USP48: variants seen among roughly 807,000 people sequenced by gnomAD.
The protein encoded by USP48 is ubiquitin carboxyl-terminal hydrolase 48.
USP48 carries 43 observed loss-of-function variants against 150.7 expected under a neutral mutation model. The observed-to-expected ratio is 0.29, with a 90% confidence interval of 0.22 to 0.37. The LOEUF (loss-of-function observed/expected upper bound fraction) is 0.37, where lower values mean the gene tolerates loss of function less well. USP48 is among the 10% of genes least tolerant of loss of function. The pLI, the probability that USP48 is intolerant of heterozygous loss-of-function variation, is 1.00. For missense variants in USP48, 813 were observed against 1,249.6 expected, an observed-to-expected ratio of 0.65 and a Z score of 5.27; for synonymous variants, 396 against 425.9, an observed-to-expected ratio of 0.93 and a Z score of 0.86.
intron 8 of USP48, among the ~76,000 whole-genome samples, chr1:21,738,424 C>T (rs531720392): frequency 1.4e-5 from 2 of 142,396 alleles, no homozygotes; most frequent in East Asian, 2.1e-4. Context: ...GGTGTGATCT[C>T]GGCCCACTGC....
intron 1 of USP48, among the ~76,000 whole-genome samples, chr1:21,765,480 G>T (rs2097859396): frequency 6.6e-6 from 1 of 152,034 alleles, no homozygotes; most frequent in Non-Finnish European, 1.5e-5. Context: ...TGCCAGGCAT[G>T]GTGGCACGCG....
At chr1:21,680,755 AATTACAGG>A in intron 26 of USP48, 45 bp downstream of exon 26, 1 of 1,524,890 alleles carries the variant, frequency 6.6e-7, no homozygotes, top group Non-Finnish European at 8.9e-7. Flanking sequence ...TTTAACAGAA[AATTACAGG>A]ATGACTCTGA....
chr1:21,716,440 C>A (rs1252781591), intron 14 of USP48, among the ~76,000 whole-genome samples: 1 of 152,152 alleles, frequency 6.6e-6, no homozygotes, highest in Non-Finnish European at 1.5e-5. Context: ...GTATGAGATA[C>A]AATATCATCA....
chr1:21,728,150 A>G (rs1571879986), intron 11 of USP48: 1 of 987,754 alleles, frequency 1.0e-6, no homozygotes, highest in East Asian at 1.1e-4. Flanking sequence ...TTAATCTAAT[A>G]GTATCAAAAA....
intron 15 of USP48, among the ~76,000 whole-genome samples, chr1:21,707,409 T>C (rs2097675800): frequency 6.6e-6 from 1 of 152,202 alleles, no homozygotes. Context: ...AAGTTATCAA[T>C]TCAAACAGAA....
chr1:21,735,743 C>G (rs1303015401), intron 9 of USP48, among the ~76,000 whole-genome samples: 1 of 152,188 alleles, frequency 6.6e-6, no homozygotes, highest in Non-Finnish European at 1.5e-5. Context: ...ACAAAATCAG[C>G]CAGCCGTGGT....
intron 8 of USP48, among the ~76,000 whole-genome samples, chr1:21,736,862 G>A (rs559806507): frequency 6.6e-6 from 1 of 152,168 alleles, no homozygotes; most frequent in South Asian, 2.1e-4. Flanking sequence ...CAAAATACAC[G>A]GATGAAAAAC....
At chr1:21,754,793 G>A (rs970914403) in intron 3 of USP48, among the ~76,000 whole-genome samples, 14 of 152,098 alleles carry the variant, frequency 9.2e-5, no homozygotes, top group Non-Finnish European at 1.3e-4. Flanking sequence ...ATGGCCTCCC[G>A]GACACTCTCT....
intron 25 of USP48, chr1:21,686,841 T>A: frequency 4.3e-6 from 1 of 233,734 alleles, no homozygotes; most frequent in Non-Finnish European, 8.3e-6. Flanking sequence ...TATCATGTTA[T>A]CTTCTTTTTA....
rs2097900425 is a variant in USP48 at position 21,776,821 on chromosome 1, C to T, written c.134+6003G>A. On this transcript the variant is annotated intron_variant, in intron 1 of 26. Transcript: ENST00000308271. ...ATACAAAAATTAGCCGGGCGTGGTG[C>T]CTGCAATGCCAGCTACTCGGGAGGC... Among the ~76,000 whole-genome samples the T allele has an allele frequency of 2.0e-5, 3 of 151,842 alleles. 1 individual carries two copies. The highest frequency in any genetic ancestry group is 7.3e-5 in the African/African-American group (3 of 41,350).
chr1:21,740,231 C>T (rs1222786344), intron 8 of USP48, among the ~76,000 whole-genome samples: 1 of 152,162 alleles, frequency 6.6e-6, no homozygotes, highest in African/African-American at 2.4e-5. Flanking sequence ...CTTTCTGAGC[C>T]CGGCTTGTTT....
At chr1:21,705,567 C>G (rs2097669883) in intron 19 of USP48, among the ~76,000 whole-genome samples, 160 bp downstream of exon 19, 1 of 151,976 alleles carries the variant, frequency 6.6e-6, no homozygotes, top group Non-Finnish European at 1.5e-5. Flanking sequence ...GAGAAGCAGT[C>G]TTCTTCTCTT....
In USP48 at chr1:21,701,564, A is replaced by G. The variant is rs1352337606; in HGVS notation, c.2661T>C (p.Ser887=). 1 of 1,613,872 alleles carries G rather than the reference A, an allele frequency of 6.2e-7. No homozygotes were observed. The highest frequency in any genetic ancestry group is 8.5e-7 in the Non-Finnish European group (1 of 1,179,916). The change falls in exon 22 of 27, where the codon AGT becomes AGC. Residue 887 remains serine (S), a synonymous_variant. Transcript: ENST00000308271. The part of the protein sequence containing the change: ...KDSAPELNVS[S]SETEEDKEEA... The stretch of plus-strand genomic sequence containing the variant: ...CTTCCTTGTCCTCCTCTGTTTCAGA[A>G]CTACTCACATTCAGTTCCGGAGCCG...
intron 1 of USP48, among the ~76,000 whole-genome samples, chr1:21,780,251 C>A (rs1410342058): frequency 6.6e-6 from 1 of 152,156 alleles, no homozygotes; most frequent in South Asian, 2.1e-4. Context: ...GTGACACATG[C>A]GCAGCAGGGA....
intron 2 of USP48, chr1:21,756,996 C>A: frequency 2.0e-6 from 2 of 985,286 alleles, no homozygotes; most frequent in Non-Finnish European, 2.4e-6. Flanking sequence ...TAGAAAAGAT[C>A]GGTTTTGAAC....
At chr1:21,739,346 C>T (rs1323997519) in intron 8 of USP48, among the ~76,000 whole-genome samples, 1 of 151,590 alleles carries the variant, frequency 6.6e-6, no homozygotes, top group Non-Finnish European at 1.5e-5. Flanking sequence ...TGGTGAAACC[C>T]CCTCTCTACT....
Position 21,704,397 on chromosome 1 carries a change from GC to G in USP48, c.2385-6del. On this transcript the variant is annotated splice_region_variant and splice_polypyrimidine_tract_variant and intron_variant, in intron 19 of 26. Coordinates refer to ENST00000308271, the MANE Select transcript of USP48 (RefSeq NM_032236.8). ...CTGGGCCATATGAGAGCTATACTGT[GC>G]AAAAAAAAAACACAACATGCCTTAA... 6.3e-7 allele frequency: 1 copy of G among 1,578,358 alleles called. No homozygotes were observed.
At chr1:21,694,670 A>C (rs949383148) in intron 23 of USP48, among the ~76,000 whole-genome samples, 2 of 150,796 alleles carry the variant, frequency 1.3e-5, no homozygotes, top group African/African-American at 2.4e-5. Context: ...CTAGTGAATA[A>C]GCAATCACTA....
At chr1:21,707,424 A>C (rs1332949670) in intron 15 of USP48, among the ~76,000 whole-genome samples, 1 of 152,228 alleles carries the variant, frequency 6.6e-6, no homozygotes, top group East Asian at 1.9e-4. Context: ...ACAGAAGATA[A>C]AGCAATCTAC....
Sources: gnomAD v4.1 joint callset for allele counts (sites outside exome capture counted in the v4.1 genomes callset) on GRCh38, gnomAD v4.1.1 for gene constraint, MANE v1.5 for transcripts, NCBI Gene and HGNC (gene_info 2026-07-23, HGNC 2026-07-21) for gene names.